Variants in TSPAN5 observed in about 807,000 individuals in gnomAD.
The protein encoded by TSPAN5 is tetraspanin 5.
TSPAN5 carries 10 observed loss-of-function variants against 37.1 expected under a neutral mutation model. The ratio of observed to expected loss-of-function variants is 0.27; its 90% CI spans 0.17 to 0.46. The LOEUF (loss-of-function observed/expected upper bound fraction) is 0.46. Among genes scored for constraint, TSPAN5 ranks in the 20% least tolerant of loss-of-function variants. The pLI is 1.00. For synonymous variants in TSPAN5, 110 were observed against 118.9 expected, an observed-to-expected ratio of 0.93 and a Z score of 0.48; for missense variants, 195 against 326.6, an observed-to-expected ratio of 0.60 and a Z score of 3.11.
intron 1 of TSPAN5, among the ~76,000 whole-genome samples, chr4:98,641,092 C>T (rs1201148075): frequency 1.3e-5 from 2 of 152,080 alleles, no homozygotes; most frequent in African/African-American, 2.4e-5. Flanking sequence ...ATATTCTCTG[C>T]CTAGCATTGG....
chr4:98,483,879 CT>C (rs1752901452), intron 3 of TSPAN5: 1 of 152,654 alleles, frequency 6.6e-6, no homozygotes, highest in Non-Finnish European at 1.5e-5. Context: ...CACACCACTT[CT>C]GCTCAATGCC....
intron 1 of TSPAN5, among the ~76,000 whole-genome samples, chr4:98,548,389 A>C (rs143069007): frequency 1.3e-5 from 2 of 152,322 alleles, no homozygotes; most frequent in Non-Finnish European, 2.9e-5. Context: ...GAATATAAAA[A>C]AAGTAAAAGA....
At chr4:98,518,713 A>G (rs1335731692) in intron 1 of TSPAN5, among the ~76,000 whole-genome samples, 1 of 152,248 alleles carries the variant, frequency 6.6e-6, no homozygotes, top group Non-Finnish European at 1.5e-5. Flanking sequence ...ATGGTCCCGC[A>G]CCAGTGGTAG....
intron 1 of TSPAN5, among the ~76,000 whole-genome samples, chr4:98,545,670 C>T (rs567545372): frequency 6.6e-6 from 1 of 152,230 alleles, no homozygotes; most frequent in African/African-American, 2.4e-5. Context: ...GCTGTGACTA[C>T]TGGCGTGTGC....
At chr4:98,566,701 A>G (rs1460318225) in intron 1 of TSPAN5, among the ~76,000 whole-genome samples, 1 of 152,128 alleles carries the variant, frequency 6.6e-6, no homozygotes. Flanking sequence ...GCTGTGGAGG[A>G]GGGCGGGTGG....
chr4:98,551,015 T>C (rs2110154736), intron 1 of TSPAN5, among the ~76,000 whole-genome samples: 1 of 152,332 alleles, frequency 6.6e-6, no homozygotes, highest in East Asian at 1.9e-4. Flanking sequence ...GCTGTAGGTT[T>C]GTCATATATG....
intron 1 of TSPAN5, among the ~76,000 whole-genome samples, chr4:98,541,460 A>G (rs1215337362): frequency 6.6e-6 from 1 of 152,054 alleles, no homozygotes; most frequent in Non-Finnish European, 1.5e-5. Context: ...AGATCACTTG[A>G]GGCCAGGAGA....
intron 2 of TSPAN5, among the ~76,000 whole-genome samples, chr4:98,497,603 G>A (rs912734658): frequency 2.6e-5 from 4 of 152,162 alleles, no homozygotes; most frequent in East Asian, 3.9e-4. Context: ...CTGGACTAGC[G>A]GCAGGTGACC....
chr4:98,475,599 T>C (rs7675605), intron 7 of TSPAN5, among the ~76,000 whole-genome samples: 28,905 of 152,192 alleles, frequency 0.19, 4,156 homozygotes, highest in African/African-American at 0.41. Context: ...GGAATGCCAG[T>C]AGGCAACCAC....
intron 1 of TSPAN5, among the ~76,000 whole-genome samples, chr4:98,602,497 T>C (rs1271845480): frequency 1.3e-5 from 2 of 152,212 alleles, no homozygotes; most frequent in African/African-American, 4.8e-5. Context: ...AAATTTCTTT[T>C]TGACAAAGCC....
At chr4:98,562,284 G>C (rs1035062725) in intron 1 of TSPAN5, among the ~76,000 whole-genome samples, 2 of 152,202 alleles carry the variant, frequency 1.3e-5, no homozygotes, top group Admixed American at 1.3e-4. Flanking sequence ...AGGAAAAGCA[G>C]GTAGTAGATG....
At chr4:98,535,070 C>T (rs1180316352) in intron 1 of TSPAN5, among the ~76,000 whole-genome samples, 1 of 152,148 alleles carries the variant, frequency 6.6e-6, no homozygotes, top group African/African-American at 2.4e-5. Flanking sequence ...TTGATCCTGT[C>T]ATTATGATGC....
intron 1 of TSPAN5, among the ~76,000 whole-genome samples, chr4:98,552,043 T>C (rs1335326327): frequency 2.0e-5 from 3 of 152,210 alleles, no homozygotes; most frequent in Non-Finnish European, 4.4e-5. Flanking sequence ...CATGATCAGT[T>C]GTAATGTCTC....
intron 4 of TSPAN5, among the ~76,000 whole-genome samples, chr4:98,480,212 T>C (rs182839776): frequency 4.6e-5 from 7 of 152,296 alleles, no homozygotes; most frequent in Admixed American, 4.6e-4. Context: ...TTTTAAAGTA[T>C]ACAATTTGAT....
intron 1 of TSPAN5, among the ~76,000 whole-genome samples, chr4:98,642,758 ATGTG>A (rs1486392867): frequency 6.6e-6 from 1 of 152,128 alleles, no homozygotes; most frequent in Non-Finnish European, 1.5e-5. Flanking sequence ...GTCTAGGCTA[ATGTG>A]TGTGTTTTTG....
At chr4:98,515,292 A>C (rs1331289715) in intron 1 of TSPAN5, among the ~76,000 whole-genome samples, 1 of 152,116 alleles carries the variant, frequency 6.6e-6, no homozygotes, top group African/African-American at 2.4e-5. Flanking sequence ...TAAGAAGGGC[A>C]CCTCAGAACT....
At position 98,599,088 on chromosome 4, in the gene TSPAN5, G is replaced by A. The variant is rs139141223; in HGVS notation, c.81+59058C>T. ...AAATGGACAAATAATATAAAAGTGCGAAATAACCCCCAATTTCATATAGAT... is the reference window on the plus strand; with the variant it reads ...AAATGGACAAATAATATAAAAGTGCAAAATAACCCCCAATTTCATATAGAT... On this transcript the variant is annotated intron_variant, in intron 1 of 7. Coordinates refer to ENST00000305798, the MANE Select transcript of TSPAN5 (RefSeq NM_005723.4). Among the ~76,000 whole-genome samples the A allele has an allele frequency of 7.6e-3, 1,163 of 152,142 alleles. 5 individuals are homozygous for A. The highest frequency in any genetic ancestry group is 0.017 in the African/African-American group (710 of 41,516).
rs559043185 is a variant in TSPAN5 at position 98,492,127 on chromosome 4, G to A, written c.133-5243C>T. On this transcript the variant is annotated intron_variant, in intron 2 of 7. Transcript: ENST00000305798. The stretch of plus-strand genomic sequence containing the variant: ...CTCCATGACCCCTCAGAGCTGCCAA[G>A]ATCTCATACAATCCTGCTGGCCTGG... 4.0e-4 allele frequency among the ~76,000 whole-genome samples: 61 copies of A among 152,198 alleles called. 1 individual carries two copies. The South Asian group carries it at 4.8e-3, about 12-fold the overall frequency.
At chr4:98,610,044 T>C (rs1007935736) in intron 1 of TSPAN5, among the ~76,000 whole-genome samples, 1 of 152,232 alleles carries the variant, frequency 6.6e-6, no homozygotes, top group Non-Finnish European at 1.5e-5. Flanking sequence ...CTAGACAGCC[T>C]TCTCTCCCTC....
Sources: allele counts gnomAD v4.1 joint callset (sites outside exome capture counted in the v4.1 genomes callset), GRCh38; gene constraint gnomAD v4.1.1; transcripts MANE v1.5; gene names NCBI Gene and HGNC (gene_info 2026-07-23, HGNC 2026-07-21).